Variants in KCNK10 observed in about 807,000 individuals in gnomAD.
KCNK10 encodes potassium channel subfamily K member 10.
KCNK10 carries 25 observed loss-of-function variants against 47.7 expected under a neutral mutation model. The observed-to-expected ratio is 0.52, with a 90% CI of 0.38 to 0.73. The LOEUF (loss-of-function observed/expected upper bound fraction) is 0.73, where lower values mean the gene tolerates loss of function less well. Among genes scored for constraint, KCNK10 ranks in the 30% least tolerant of loss-of-function variants. The pLI is 0.00. For synonymous variants in KCNK10, 303 were observed against 285.6 expected (o/e 1.06, Z -0.61); for missense variants, 563 against 714.5 (o/e 0.79, Z 2.42).
At chr14:88,309,708 A>G (rs1888272791) in intron 1 of KCNK10, among the ~76,000 whole-genome samples, 4 of 152,206 alleles carry the variant, frequency 2.6e-5, no homozygotes, top group Admixed American at 6.5e-5. Flanking sequence ...ACGGGTTCAT[A>G]GATATGCTTT....
rs114536923 is a variant in KCNK10, at chr14:88,206,145, T to C, written c.682-13735A>G. Among the ~76,000 whole-genome samples, 1,094 of 152,294 alleles carry C rather than the reference T, an allele frequency of 7.2e-3. 16 individuals are homozygous for C. The highest frequency in any genetic ancestry group is 0.025 in the African/African-American group (1,053 of 41,558). On this transcript the variant is annotated intron_variant, in intron 4 of 6. Coordinates refer to ENST00000319231, the MANE Select transcript of KCNK10 (RefSeq NM_138317.3). ...TGGAACATGGCCATTTTCACGAGAA[T>C]AGAAATTAAATATGTAAATTCTTGA... is the stretch of plus-strand genomic sequence containing the variant.
At chr14:88,299,374 T>C (rs1171651127) in intron 1 of KCNK10, among the ~76,000 whole-genome samples, 1 of 152,198 alleles carries the variant, frequency 6.6e-6, no homozygotes, top group Non-Finnish European at 1.5e-5. Context: ...CACTTTCTCA[T>C]TGGTGTGCCA....
Position 88,185,488 on chromosome 14 carries a change from C to T in KCNK10, c.*47G>A. ...TCTCAGTGTGAATATTAAAAACACA[C>T]ACACACACACACACAACGCTCAGTC... On this transcript the variant is annotated 3_prime_UTR_variant, in exon 7 of 7. Transcript: ENST00000319231. This position sits in a 1 kb window ranked among gnomAD's most constrained non-coding sequence, Gnocchi z 4.3. 3 of 1,566,580 alleles carry T rather than the reference C, an allele frequency of 1.9e-6. No individual in the cohort carries two copies. Among genetic ancestry groups the T allele is most frequent in the Non-Finnish European group, 2.6e-6 (3 of 1,154,976 alleles).
rs1887091458 is a variant in KCNK10 at position 88,260,890 on chromosome 14, A to G, written c.402+2312T>C. ...ATTTCACAGAGAAATCTTTGAGGTC[A>G]AAACAGGACACCAGTCTTAATGGCA... is the stretch of plus-strand genomic sequence containing the variant. On this transcript the variant is annotated intron_variant, in intron 2 of 6. Coordinates refer to ENST00000319231, the MANE Select transcript of KCNK10 (RefSeq NM_138317.3). This position sits in a 1 kb window ranked among gnomAD's most constrained non-coding sequence, Gnocchi z 4.5. 6.6e-6 allele frequency among the ~76,000 whole-genome samples: 1 copy of G among 152,236 alleles called. No homozygotes were observed. Among genetic ancestry groups the G allele is most frequent in the Non-Finnish European group, 1.5e-5 (1 of 68,040 alleles).
At chr14:88,291,237 C>G (rs535741093) in intron 1 of KCNK10, among the ~76,000 whole-genome samples, 5 of 152,286 alleles carry the variant, frequency 3.3e-5, no homozygotes, top group Non-Finnish European at 7.4e-5. Context: ...CGTTCCCCAC[C>G]ACCCCAATGG....
intron 4 of KCNK10, among the ~76,000 whole-genome samples, chr14:88,203,619 C>A (rs751219376): frequency 2.0e-5 from 3 of 152,198 alleles, no homozygotes; most frequent in Non-Finnish European, 4.4e-5. Context: ...GTGTCAGCTG[C>A]AGTTTGGAAG....
At chr14:88,205,153 TC>T (rs1885228801) in intron 4 of KCNK10, among the ~76,000 whole-genome samples, 1 of 152,248 alleles carries the variant, frequency 6.6e-6, no homozygotes, top group Non-Finnish European at 1.5e-5. Flanking sequence ...TGTAGCCTTT[TC>T]AGATTGGCTT....
intron 1 of KCNK10, among the ~76,000 whole-genome samples, chr14:88,315,797 G>C (rs1233954923): frequency 1.3e-5 from 2 of 152,060 alleles, no homozygotes. Flanking sequence ...ACCACACTGG[G>C]TAGTTGAGTA....
intron 1 of KCNK10, among the ~76,000 whole-genome samples, chr14:88,272,092 C>G (rs1161225257): frequency 2.0e-5 from 3 of 152,130 alleles, no homozygotes; most frequent in Non-Finnish European, 2.9e-5. Flanking sequence ...ACAGGAAACA[C>G]TGGGCAGGGC....
chr14:88,278,598 A>G (rs1371626223), intron 1 of KCNK10, among the ~76,000 whole-genome samples: 2 of 152,210 alleles, frequency 1.3e-5, no homozygotes, highest in Non-Finnish European at 2.9e-5. Flanking sequence ...CCTGCAGGAA[A>G]ACACAAGAGA....
chr14:88,291,694 T>C (rs1887881248), intron 1 of KCNK10, among the ~76,000 whole-genome samples: 1 of 152,110 alleles, frequency 6.6e-6, no homozygotes, highest in African/African-American at 2.4e-5. Flanking sequence ...GGAGAACACA[T>C]GTGAATGATG....
intron 1 of KCNK10, among the ~76,000 whole-genome samples, chr14:88,287,674 GGTGTGTGTGT>G (rs199702993): frequency 0.065 from 9,195 of 141,458 alleles, 410 homozygotes; most frequent in African/African-American, 0.12. Context: ...AGTATTCCAT[GGTGTGTGTGT>G]GTGTGTGTGT....
chr14:88,257,905 A>AG (rs935046886), intron 2 of KCNK10, among the ~76,000 whole-genome samples: 27 of 151,994 alleles, frequency 1.8e-4, no homozygotes, highest in African/African-American at 4.8e-4. Context: ...TCTTTGTGGG[A>AG]GGGGGGGTCT....
chr14:88,240,599 C>G, intron 3 of KCNK10, 104 bp downstream of exon 3: 1 of 732,912 alleles, frequency 1.4e-6, no homozygotes. Context: ...TAAGCCTCCT[C>G]TGAACCTCAA....
chr14:88,187,626 C>CG (rs11435414), intron 6 of KCNK10, among the ~76,000 whole-genome samples: 3 of 141,038 alleles, frequency 2.1e-5, no homozygotes, highest in Non-Finnish European at 4.5e-5. Flanking sequence ...ACAGGCTGCA[C>CG]CCCCCCACAC....
At chr14:88,247,687 A>C (rs1380459546) in intron 2 of KCNK10, among the ~76,000 whole-genome samples, 1 of 152,220 alleles carries the variant, frequency 6.6e-6, no homozygotes, top group Non-Finnish European at 1.5e-5. Context: ...ATGCTTGCTC[A>C]TGGCGTATGG....
In KCNK10 at chr14:88,240,699, G is replaced by A. The variant is rs1204739076; in HGVS notation, c.520+4C>T. 50 of 1,580,134 alleles carry A rather than the reference G, an allele frequency of 3.2e-5. No homozygotes were observed. The highest frequency in any genetic ancestry group is 4.2e-5 in the Non-Finnish European group (48 of 1,149,232). ...GGAAGAGATATTAGCAAACAAACGG[G>A]TACCTATGGTCGTAATGACAGTTCC... On this transcript the variant is annotated splice_donor_region_variant and intron_variant, in intron 3 of 6. Coordinates refer to ENST00000319231, the MANE Select transcript of KCNK10 (RefSeq NM_138317.3).
intron 3 of KCNK10, among the ~76,000 whole-genome samples, chr14:88,232,563 T>G (rs1886186084): frequency 6.6e-6 from 1 of 152,230 alleles, no homozygotes; most frequent in Non-Finnish European, 1.5e-5. Context: ...TCTAACTGTA[T>G]GACTCTATAA....
At chr14:88,201,326 C>A (rs1885094375) in intron 4 of KCNK10, among the ~76,000 whole-genome samples, 2 of 152,252 alleles carry the variant, frequency 1.3e-5, no homozygotes, top group South Asian at 4.1e-4. Flanking sequence ...TAAAGAGGAG[C>A]ACTGTTCCTT....
Sources: allele counts gnomAD v4.1 joint callset (sites outside exome capture counted in the v4.1 genomes callset), GRCh38; gene constraint gnomAD v4.1.1; non-coding constraint Gnocchi (gnomAD v3.1); transcripts MANE v1.5; gene names NCBI Gene and HGNC (gene_info 2026-07-23, HGNC 2026-07-21).